Variants in SRGAP1 observed in about 807,000 individuals in gnomAD.
The protein encoded by SRGAP1 is SLIT-ROBO Rho GTPase-activating protein 1.
In SRGAP1, 43 loss-of-function variants were observed where a neutral mutation model predicts 121.9. That is an observed-to-expected ratio of 0.35 (90% CI 0.28 to 0.46). SRGAP1 has a LOEUF of 0.46. SRGAP1 is among the 20% of genes least tolerant of loss of function. SRGAP1 has a pLI of 1.00. For synonymous variants in SRGAP1, 447 were observed against 485.4 expected (o/e 0.92, Z 1.04); for missense variants, 1,102 against 1,350.9 (o/e 0.82, Z 2.89).
intron 21 of SRGAP1, among the ~76,000 whole-genome samples, chr12:64,131,528 C>T (rs1199380111): frequency 1.3e-5 from 2 of 152,196 alleles, no homozygotes; most frequent in African/African-American, 2.4e-5. Flanking sequence ...CAGCTGTCCA[C>T]TTTCGGGTGG....
intron 6 of SRGAP1, among the ~76,000 whole-genome samples, chr12:64,050,003 T>C (rs2035209562): frequency 6.6e-6 from 1 of 152,210 alleles, no homozygotes; most frequent in Admixed American, 6.5e-5. Flanking sequence ...TTTAACAATA[T>C]TGATTCTCCC....
At chr12:63,864,791 G>A (rs1899567823) in intron 1 of SRGAP1, among the ~76,000 whole-genome samples, 1 of 151,898 alleles carries the variant, frequency 6.6e-6, no homozygotes, top group Admixed American at 6.6e-5. Context: ...TCCTGCGACA[G>A]GAAAAGAACA....
intron 1 of SRGAP1, among the ~76,000 whole-genome samples, chr12:63,903,175 C>G (rs181715220): frequency 6.6e-6 from 1 of 152,040 alleles, no homozygotes; most frequent in Admixed American, 6.6e-5. Context: ...TCCACATGCA[C>G]TCATACTCAG....
At chr12:64,101,312 T>TGTGG (rs2036251722) in intron 15 of SRGAP1, among the ~76,000 whole-genome samples, 1 of 134,376 alleles carries the variant, frequency 7.4e-6, no homozygotes, top group South Asian at 2.2e-4. Flanking sequence ...GAAAGGGGTG[T>TGTGG]GTGTGTGTGT....
In SRGAP1 at chr12:64,157,420, T is replaced by C. The variant is rs1167822440; in HGVS notation, c.*14748T>C. ...TCAGGGTTCTAGGCTCCTTCCATTT[T>C]TTTGTCGCTGCCACACTGGAAATGG... On this transcript the variant is annotated 3_prime_UTR_variant, in exon 22 of 22. Transcript: ENST00000355086. The C allele has an allele frequency of 1.3e-5, 2 of 152,108 alleles. No homozygotes were observed. The highest frequency in any genetic ancestry group is 2.9e-5 in the Non-Finnish European group (2 of 68,016). 9.4% of individuals were successfully genotyped at this position (152,108 alleles called of 1,614,324 possible).
At chr12:63,918,900 A>T (rs1401161949) in intron 1 of SRGAP1, among the ~76,000 whole-genome samples, 1 of 152,228 alleles carries the variant, frequency 6.6e-6, no homozygotes, top group Non-Finnish European at 1.5e-5. Context: ...TAAAATAAAC[A>T]AGGAAATGAG....
intron 2 of SRGAP1, among the ~76,000 whole-genome samples, chr12:63,985,270 G>A (rs376990232): frequency 2.7e-4 from 41 of 152,266 alleles, no homozygotes; most frequent in African/African-American, 9.9e-4. Flanking sequence ...TGGGCAAGGG[G>A]CCGGCAGGGA....
At chr12:64,000,246 G>GTGTT (rs2033838413) in intron 3 of SRGAP1, among the ~76,000 whole-genome samples, 1 of 146,706 alleles carries the variant, frequency 6.8e-6, no homozygotes, top group Non-Finnish European at 1.5e-5. Context: ...AGGGGTGTGT[G>GTGTT]TGTGTGTGTG....
chr12:63,885,000 G>A (rs1900329095), intron 1 of SRGAP1, among the ~76,000 whole-genome samples: 1 of 152,036 alleles, frequency 6.6e-6, no homozygotes, highest in Admixed American at 6.6e-5. Flanking sequence ...GATTACAGGC[G>A]TGAGCCACCG....
intron 15 of SRGAP1, among the ~76,000 whole-genome samples, chr12:64,107,992 C>T (rs990208633): frequency 2.0e-5 from 3 of 152,142 alleles, no homozygotes; most frequent in Non-Finnish European, 4.4e-5. Context: ...CCAGGTCTGC[C>T]TCTTCTAGCC....
chr12:64,091,933 T>G lies in SRGAP1; in HGVS notation c.1539+555T>G, dbSNP rs1202924032. On this transcript the variant is annotated intron_variant, in intron 12 of 21. Coordinates refer to ENST00000355086, the MANE Select transcript of SRGAP1 (RefSeq NM_020762.4). ...CTCGCACACAAGACATCAGGTATAG[T>G]GCTAGAGGGACGTGAGGGTGCTCTT... 3 of 1,535,442 alleles carry G rather than the reference T, an allele frequency of 2.0e-6. No individual in the cohort carries two copies. In the East Asian group the frequency reaches 7.3e-5, roughly 38 times the overall value.
At chr12:64,075,313 T>G (rs1346890106) in intron 8 of SRGAP1, among the ~76,000 whole-genome samples, 1 of 152,260 alleles carries the variant, frequency 6.6e-6, no homozygotes, top group Non-Finnish European at 1.5e-5. Context: ...CACAGATCGC[T>G]CATGCTATTG....
intron 1 of SRGAP1, among the ~76,000 whole-genome samples, chr12:63,845,390 C>T (rs762656933): frequency 6.6e-6 from 1 of 152,112 alleles, no homozygotes; most frequent in South Asian, 2.1e-4. Context: ...TTTATTAGGG[C>T]GAGACCCCTT....
chr12:63,858,375 G>T (rs933136832), intron 1 of SRGAP1, among the ~76,000 whole-genome samples: 1 of 151,874 alleles, frequency 6.6e-6, no homozygotes, highest in Non-Finnish European at 1.5e-5. Flanking sequence ...TGCTGCCCAG[G>T]CTGGTCTTGA....
intron 21 of SRGAP1, among the ~76,000 whole-genome samples, chr12:64,129,453 C>T (rs1169756419): frequency 6.6e-6 from 1 of 152,136 alleles, no homozygotes; most frequent in African/African-American, 2.4e-5. Flanking sequence ...CCTTCCCCAG[C>T]CCACTGACTC....
intron 1 of SRGAP1, among the ~76,000 whole-genome samples, chr12:63,963,975 T>G (rs1353669736): frequency 6.6e-6 from 1 of 152,110 alleles, no homozygotes; most frequent in Non-Finnish European, 1.5e-5. Flanking sequence ...ATAAAGAAAA[T>G]TATGTAATTG....
chr12:63,923,304 T>C (rs2031137046), intron 1 of SRGAP1, among the ~76,000 whole-genome samples: 1 of 152,224 alleles, frequency 6.6e-6, no homozygotes, highest in African/African-American at 2.4e-5. Flanking sequence ...CATGCTACTA[T>C]ATATTATATT....
rs1473332113 is a variant in SRGAP1 at position 64,127,974 on chromosome 12, G to T, written c.2654G>T (p.Gly885Val). Residue 885 changes from glycine to valine, a missense_variant, in exon 21 of 22, where the codon GGG becomes GTG. By Grantham distance (109) the Gly-to-Val change is moderately radical. Around this residue, in one of 3 missense-constraint regions of SRGAP1, gnomAD observed 315 missense variants for 343.1 expected, o/e 0.92. Coordinates refer to ENST00000355086, the MANE Select transcript of SRGAP1 (RefSeq NM_020762.4). ...HALSNSSVDL[G>V]SPSLASHPRG... ...CTTTCTAACTCCTCAGTTGACCTAG[G>T]GTCCCCAAGCCTTGCCAGTCACCCC... 6.2e-7 allele frequency: 1 copy of T among 1,614,024 alleles called. No individual in the cohort carries two copies. Among genetic ancestry groups the T allele is most frequent in the Non-Finnish European group, 8.5e-7 (1 of 1,180,038 alleles).
At chr12:64,095,084 A>G in intron 13 of SRGAP1, 43 bp from the exon 14 acceptor site, 1 of 1,608,734 alleles carries the variant, frequency 6.2e-7, no homozygotes, top group Non-Finnish European at 8.5e-7. Flanking sequence ...GACCTAGACA[A>G]TGTGATGGGG....
Sources: allele counts gnomAD v4.1 joint callset (sites outside exome capture counted in the v4.1 genomes callset), GRCh38; gene constraint gnomAD v4.1.1; regional missense constraint gnomAD v4.1.1; transcripts MANE v1.5; gene names NCBI Gene and HGNC (gene_info 2026-07-23, HGNC 2026-07-21).